The following GABBR2 variants were observed in gnomAD, a reference collection of about 807,000 sequenced individuals.
The protein encoded by GABBR2 is G-protein coupled receptor 51.
GABBR2 carries 23 observed loss-of-function variants against 105.6 expected under a neutral mutation model. That is an observed-to-expected ratio of 0.22 (90% CI 0.16 to 0.31). The LOEUF (loss-of-function observed/expected upper bound fraction) is 0.31. Ranked by LOEUF, GABBR2 falls within the 10% of genes least tolerant of loss-of-function variation. GABBR2 has a pLI of 1.00. For missense variants in GABBR2, 734 were observed against 1,245.5 expected (o/e 0.59, Z 6.18); for synonymous variants, 478 against 499.7 (o/e 0.96, Z 0.58).
chr9:98,699,109 C>T (rs1028323145), intron 1 of GABBR2, among the ~76,000 whole-genome samples: 39 of 152,152 alleles, frequency 2.6e-4, no homozygotes, highest in African/African-American at 8.9e-4. Flanking sequence ...CTTTGGCTCT[C>T]GTGCTCTCTG....
At chr9:98,427,966 C>T (rs867394191) in intron 7 of GABBR2, among the ~76,000 whole-genome samples, 57 of 152,270 alleles carry the variant, frequency 3.7e-4, no homozygotes, top group African/African-American at 1.3e-3. Flanking sequence ...CTGTATTATC[C>T]GAGAGACCCC....
chr9:98,298,701 T>A (rs915538531), intron 17 of GABBR2, among the ~76,000 whole-genome samples: 1 of 152,196 alleles, frequency 6.6e-6, no homozygotes, highest in Non-Finnish European at 1.5e-5. Flanking sequence ...AAAGAGATTC[T>A]CTAGCCTTGG....
chr9:98,600,541 C>G (rs1270768997), intron 1 of GABBR2, among the ~76,000 whole-genome samples: 2 of 152,238 alleles, frequency 1.3e-5, no homozygotes, highest in East Asian at 1.9e-4. Flanking sequence ...TCTGAGAAAC[C>G]TGCTTTCTCT....
intron 1 of GABBR2, among the ~76,000 whole-genome samples, chr9:98,695,876 G>T (rs1830744751): frequency 6.6e-6 from 1 of 152,258 alleles, no homozygotes; most frequent in South Asian, 2.1e-4. Context: ...AAACAAACTA[G>T]CATGCCATTT....
intron 1 of GABBR2, among the ~76,000 whole-genome samples, chr9:98,622,356 G>T: frequency 6.6e-6 from 1 of 152,060 alleles, no homozygotes; most frequent in Non-Finnish European, 1.5e-5. Flanking sequence ...TGTAGGGATG[G>T]GGCGTCACCA....
intron 6 of GABBR2, among the ~76,000 whole-genome samples, chr9:98,471,347 G>T (rs1169940121): frequency 1.3e-5 from 2 of 152,196 alleles, no homozygotes. Context: ...GTCCCAAGGT[G>T]TCCCATGCAT....
intron 2 of GABBR2, among the ~76,000 whole-genome samples, chr9:98,546,660 A>G (rs2131745288): frequency 6.6e-6 from 1 of 152,294 alleles, no homozygotes; most frequent in Middle Eastern, 3.4e-3. Flanking sequence ...TTCATATTCT[A>G]TTAAGATTGT....
Position 98,306,208 on chromosome 9 carries a change from C to T in GABBR2, c.2142G>A (p.Arg714=), listed in dbSNP as rs1364732816. ...IIGAAVSFLT[R]DQPNVQFCIV... The stretch of plus-strand genomic sequence containing the variant: ...TGCAGAACTGCACATTGGGCTGGTC[C>T]CGGGTCAGGAAGGAGACAGCGGCCC... Residue 714 remains arginine (R), a synonymous_variant, in exon 15 of 19, where the codon CGG becomes CGA. Coordinates refer to ENST00000259455, the MANE Select transcript of GABBR2 (RefSeq NM_005458.8). The surrounding 1 kb of genome is among the most constrained non-coding windows in gnomAD (Gnocchi z 5.4). 1 of 1,614,156 alleles carries T rather than the reference C, an allele frequency of 6.2e-7. No individual in the cohort carries two copies.
At chr9:98,551,585 A>G (rs1265265825) in intron 2 of GABBR2, among the ~76,000 whole-genome samples, 5 of 152,124 alleles carry the variant, frequency 3.3e-5, no homozygotes, top group Admixed American at 6.5e-5. Flanking sequence ...TTTGGAGGAG[A>G]CATATTTAAC....
rs370102532 is a variant in GABBR2, at chr9:98,454,196, C to G, written c.1021G>C (p.Glu341Gln). ...SGKTPQQYER[E>Q]YNNKRSGVGP... ...ACGCCTGACCGCTTGTTGTTGTACT[C>G]TCTCTCATACTGCTGTGGAGTCTGG... Residue 341 changes from glutamate (E) to glutamine (Q), a missense_variant, in exon 7 of 19, where the codon GAG becomes CAG. Glu to Gln is a conservative substitution (Grantham distance 29). This residue lies in a region of GABBR2 where 370 missense variants were observed against 648.9 expected (regional missense o/e 0.57). Transcript: ENST00000259455. The surrounding 1 kb of genome is among the most constrained non-coding windows in gnomAD (Gnocchi z 4.6). The G allele has an allele frequency of 3.7e-6, 6 of 1,612,990 alleles. No individual in the cohort carries two copies. The highest frequency in any genetic ancestry group is 1.3e-5 in the African/African-American group (1 of 74,876).
intron 13 of GABBR2, among the ~76,000 whole-genome samples, chr9:98,343,110 C>T (rs1831243536): frequency 2.6e-5 from 4 of 152,214 alleles, no homozygotes; most frequent in Admixed American, 2.6e-4. Flanking sequence ...CCCCTGTGTG[C>T]TTCCACAGAA....
At position 98,363,516 on chromosome 9, in the gene GABBR2, ATC is replaced by A. The variant is rs201097344; in HGVS notation, c.1771-681_1771-680del. On this transcript the variant is annotated intron_variant, in intron 12 of 18. Coordinates refer to ENST00000259455, the MANE Select transcript of GABBR2 (RefSeq NM_005458.8). Reference sequence around the variant, plus strand: ...AGATGAAGCCTGGATTTGGACCGAGATCTGTTTTCTCCAGAATTCACATCCTC... The same window carrying A: ...AGATGAAGCCTGGATTTGGACCGAGATGTTTTCTCCAGAATTCACATCCTC... Among the ~76,000 whole-genome samples the A allele has an allele frequency of 5.3e-5, 8 of 152,246 alleles. No individual in the cohort carries two copies. The East Asian group carries it at 1.4e-3, about 26-fold the overall frequency.
At chr9:98,578,627 G>A (rs549053942) in intron 1 of GABBR2, among the ~76,000 whole-genome samples, 2 of 152,236 alleles carry the variant, frequency 1.3e-5, no homozygotes, top group South Asian at 2.1e-4. Context: ...CAAAACAACC[G>A]AAGGCAGGGA....
chr9:98,316,590 T>C (rs756630889), intron 13 of GABBR2, among the ~76,000 whole-genome samples: 4 of 152,220 alleles, frequency 2.6e-5, no homozygotes, highest in African/African-American at 4.8e-5. Flanking sequence ...AGCAATAACC[T>C]GGATAGACAA....
At chr9:98,521,035 A>G (rs890893781) in intron 3 of GABBR2, among the ~76,000 whole-genome samples, 1 of 152,244 alleles carries the variant, frequency 6.6e-6, no homozygotes, top group East Asian at 1.9e-4. Context: ...TCTATATACC[A>G]AAGTACAAAG....
chr9:98,488,804 A>G (rs985415999), intron 4 of GABBR2, among the ~76,000 whole-genome samples: 7 of 150,778 alleles, frequency 4.6e-5, no homozygotes, highest in Admixed American at 3.3e-4. Context: ...GTGGACACGA[A>G]GCTGGGAGGC....
chr9:98,362,743 C>T lies in GABBR2; in HGVS notation c.1865G>A (p.Arg622Gln), dbSNP rs139429887. The change falls in exon 13 of 19, where the codon CGA (arginine) becomes CAA (glutamine). Residue 622 changes from arginine to glutamine, a missense_variant. Coordinates refer to ENST00000259455, the MANE Select transcript of GABBR2 (RefSeq NM_005458.8). ...CATGCTGTACTTCTCCACTGTCCTT[C>T]GCAGGGGGTCCACAGCCTGCCAGCA... ...LICWQAVDPLRRTVEKYSMEP... is the reference protein window; with the variant it reads ...LICWQAVDPLQRTVEKYSMEP... The T allele has an allele frequency of 2.1e-5, 33 of 1,601,756 alleles. No individual in the cohort carries two copies. The highest frequency in any genetic ancestry group is 4.5e-5 in the East Asian group (2 of 44,164).
chr9:98,631,771 T>G (rs1397928468), intron 1 of GABBR2, among the ~76,000 whole-genome samples: 1 of 152,230 alleles, frequency 6.6e-6, no homozygotes, highest in Non-Finnish European at 1.5e-5. Context: ...ACTATGACAT[T>G]TGAATCTAAT....
intron 3 of GABBR2, among the ~76,000 whole-genome samples, chr9:98,534,430 G>A (rs1208248223): frequency 3.9e-5 from 6 of 152,160 alleles, no homozygotes; most frequent in South Asian, 4.1e-4. Flanking sequence ...GGCCAGCCAC[G>A]GGCTAAGGAA....
Sources: gnomAD v4.1 joint callset for allele counts (sites outside exome capture counted in the v4.1 genomes callset) on GRCh38, gnomAD v4.1.1 for gene constraint, gnomAD v4.1.1 regional missense constraint, Gnocchi (gnomAD v3.1) non-coding constraint, MANE v1.5 for transcripts, NCBI Gene and HGNC (gene_info 2026-07-23, HGNC 2026-07-21) for gene names.